Variants in ZNF333 observed in about 807,000 individuals in gnomAD.
The protein encoded by ZNF333 is zinc finger protein 333.
Under a neutral mutation model 76.1 loss-of-function variants are expected in ZNF333, and 61 were observed. The observed-to-expected ratio is 0.80, with a 90% confidence interval of 0.65 to 0.99. ZNF333 has a LOEUF of 0.99. ZNF333 is among the 50% of genes least tolerant of loss of function. ZNF333 has a pLI of 0.00. For missense variants in ZNF333, 717 were observed against 822.4 expected, an observed-to-expected ratio of 0.87 and a Z score of 1.57; for synonymous variants, 284 against 305.0, an observed-to-expected ratio of 0.93 and a Z score of 0.72.
Position 14,719,424 on chromosome 19 carries a change from T to G in ZNF333, c.*99T>G, listed in dbSNP as rs1372254201. ...GTTTCAATGTATAATATTTTCATTT[T>G]GGTTTAATTGTAAGTATTGTCTTAA... is the stretch of plus-strand genomic sequence containing the variant. On this transcript the variant is annotated 3_prime_UTR_variant, in exon 12 of 12. Transcript: ENST00000292530. 8.3e-6 allele frequency: 11 copies of G among 1,321,722 alleles called. No homozygotes were observed. Among genetic ancestry groups the G allele is most frequent in the Non-Finnish European group, 1.1e-5 (11 of 988,640 alleles). 81.9% of individuals were successfully genotyped at this position (1,321,722 alleles called of 1,614,324 possible). A position where few individuals can be genotyped will look rare whatever the true frequency, so the allele number is the denominator to read the frequency against.
At chr19:14,715,125 TGTG>T (rs1268060908) in intron 7 of ZNF333, 1 of 421,926 alleles carries the variant, frequency 2.4e-6, no homozygotes, top group East Asian at 4.7e-5. Context: ...AACAGGTGCA[TGTG>T]GTATGTAACT....
At chr19:14,691,445 C>T (rs537425363) in intron 1 of ZNF333, among the ~76,000 whole-genome samples, 16 of 152,004 alleles carry the variant, frequency 1.1e-4, no homozygotes, top group African/African-American at 3.9e-4. Context: ...GGTTAAAGCT[C>T]GTGTCTACTG....
At chr19:14,690,614 TTTAA>T (rs1266920058) in intron 1 of ZNF333, among the ~76,000 whole-genome samples, 4 of 152,180 alleles carry the variant, frequency 2.6e-5, no homozygotes, top group Non-Finnish European at 5.9e-5. Flanking sequence ...TGCAAACTGG[TTTAA>T]TTGATTGGCC....
intron 5 of ZNF333, among the ~76,000 whole-genome samples, chr19:14,702,362 A>C (rs562857089): frequency 5.9e-5 from 9 of 152,142 alleles, no homozygotes; most frequent in Non-Finnish European, 1.2e-4. Flanking sequence ...AAAACATACA[A>C]AAATTAGTCA....
At chr19:14,706,601 T>C (rs1234291437) in intron 6 of ZNF333, 85 bp from the exon 7 acceptor site, 4 of 995,746 alleles carry the variant, frequency 4.0e-6, no homozygotes, top group Non-Finnish European at 6.4e-6. Flanking sequence ...CAGGATCAAA[T>C]ATGCACGTTC....
intron 2 of ZNF333, 138 bp downstream of exon 2, chr19:14,693,632 C>A: frequency 9.3e-7 from 1 of 1,072,704 alleles, no homozygotes; most frequent in Non-Finnish European, 1.3e-6. Flanking sequence ...GCATCCTCAT[C>A]CCTGCCCTAG....
At chr19:14,695,513 T>C (rs2146951637) in intron 3 of ZNF333, 53 bp from the exon 4 acceptor site, 2 of 1,547,766 alleles carry the variant, frequency 1.3e-6, no homozygotes, top group South Asian at 1.1e-5. Flanking sequence ...AAGAGTTTGT[T>C]TTCCCCTGCA....
Position 14,705,573 on chromosome 19 carries a change from G to A in ZNF333, c.423+403G>A, listed in dbSNP as rs900078520. Among the ~76,000 whole-genome samples the A allele has an allele frequency of 3.3e-5, 5 of 152,316 alleles. No individual in the cohort carries two copies. In the East Asian group the frequency reaches 7.7e-4, roughly 24 times the overall value. On this transcript the variant is annotated intron_variant, in intron 6 of 11. Coordinates refer to ENST00000292530, the MANE Select transcript of ZNF333 (RefSeq NM_032433.4). ...AGGACCTCTTGGCTCAGGGCCCTGC[G>A]TGTCCTTACCAAGGCAGAGAGAGAA...
intron 7 of ZNF333, among the ~76,000 whole-genome samples, chr19:14,714,160 G>A (rs895820869): frequency 4.3e-4 from 65 of 152,154 alleles, no homozygotes; most frequent in Non-Finnish European, 3.7e-4. Flanking sequence ...GGTAGCCCAA[G>A]GGAAAAGTGG....
intron 1 of ZNF333, among the ~76,000 whole-genome samples, chr19:14,690,510 A>G (rs1972680679): frequency 6.6e-6 from 1 of 152,262 alleles, no homozygotes; most frequent in South Asian, 2.1e-4. Flanking sequence ...TACAGTATGC[A>G]AGATAACTGC....
chr19:14,715,045 G>A (rs1458905380), intron 7 of ZNF333: 1 of 205,132 alleles, frequency 4.9e-6, no homozygotes, highest in African/African-American at 2.4e-5. Context: ...GTGCGTGTGT[G>A]TGTGTGTGTG....
At chr19:14,717,860 C>A in intron 11 of ZNF333, 127 bp downstream of exon 11, 1 of 896,180 alleles carries the variant, frequency 1.1e-6, no homozygotes, top group Non-Finnish European at 1.7e-6. Context: ...CAGAAGGAAG[C>A]AGTTTCTTGG....
At chr19:14,724,152 A>G (rs541504103), downstream of ZNF333, among the ~76,000 whole-genome samples, 3 of 152,280 alleles carry the variant, frequency 2.0e-5, no homozygotes, top group East Asian at 1.9e-4. Context: ...GTCCTTGCCT[A>G]TCTTAATGAG....
At chr19:14,709,923 C>T (rs191092152) in intron 7 of ZNF333, among the ~76,000 whole-genome samples, 1 of 152,326 alleles carries the variant, frequency 6.6e-6, no homozygotes, top group Admixed American at 6.5e-5. Flanking sequence ...CAAACCCTGA[C>T]CTAGACCATG....
intron 1 of ZNF333, among the ~76,000 whole-genome samples, chr19:14,692,824 CTT>C (rs112233179): frequency 6.9e-6 from 1 of 144,066 alleles, no homozygotes; most frequent in African/African-American, 2.6e-5. Context: ...GGACCTTATT[CTT>C]TTTTTTTTTT....
At chr19:14,713,995 G>A (rs565778774) in intron 7 of ZNF333, among the ~76,000 whole-genome samples, 24 of 152,178 alleles carry the variant, frequency 1.6e-4, no homozygotes, top group African/African-American at 4.6e-4. Flanking sequence ...ATTGGATGAT[G>A]AGCACACATC....
At chr19:14,715,708 C>T (rs2042410950) in intron 8 of ZNF333, among the ~76,000 whole-genome samples, 1 of 152,192 alleles carries the variant, frequency 6.6e-6, no homozygotes, top group Non-Finnish European at 1.5e-5. Flanking sequence ...CAGCTGTCCT[C>T]ATTTTGTGGT....
chr19:14,724,766 CAAAAAG>C (rs1248947065), downstream of ZNF333, among the ~76,000 whole-genome samples: 35 of 152,194 alleles, frequency 2.3e-4, no homozygotes, highest in African/African-American at 8.4e-4. Flanking sequence ...AATTTTGTCT[CAAAAAG>C]AAAAACTTTG....
At position 14,706,245 on chromosome 19, in the gene ZNF333, T is replaced by C; in HGVS notation, c.424-441T>C. 6.7e-6 allele frequency: 3 copies of C among 450,514 alleles called. No individual in the cohort carries two copies. The Middle Eastern group carries it at 9.9e-4, about 148-fold the overall frequency. 27.9% of individuals were successfully genotyped at this position (450,514 alleles called of 1,614,324 possible). ...TGCAAGTCAGGTCAGACGTGTTTCC[T>C]GAGCGAGCAGCTGCCAGCAGAGAAG... is the stretch of plus-strand genomic sequence containing the variant. On this transcript the variant is annotated intron_variant, in intron 6 of 11. Coordinates refer to ENST00000292530, the MANE Select transcript of ZNF333 (RefSeq NM_032433.4).
Sources: gnomAD v4.1 joint callset for allele counts (sites outside exome capture counted in the v4.1 genomes callset) on GRCh38, gnomAD v4.1.1 for gene constraint, MANE v1.5 for transcripts, NCBI Gene and HGNC (gene_info 2026-07-23, HGNC 2026-07-21) for gene names.